MSH3: variants seen among roughly 807,000 people sequenced by gnomAD.
The protein encoded by MSH3 is DNA mismatch repair protein Msh3.
A neutral mutation model predicts 123.3 loss-of-function variants in MSH3; 106 were observed. That is an observed-to-expected ratio of 0.86 (90% CI 0.73 to 1.01). The LOEUF is 1.01. Among genes scored for constraint, MSH3 ranks in the 50% least tolerant of loss-of-function variants. The pLI is 0.00. For missense variants in MSH3, 1,459 were observed against 1,347.6 expected (o/e 1.08, Z -1.29); for synonymous variants, 515 against 481.4 (o/e 1.07, Z -0.91).
chr5:80,705,281 A>G (rs1366169385), intron 8 of MSH3, among the ~76,000 whole-genome samples: 2 of 152,188 alleles, frequency 1.3e-5, no homozygotes, highest in Non-Finnish European at 1.5e-5. Context: ...TTCTAATCTT[A>G]GCTGTACATT....
chr5:80,754,356 A>G (rs1743886622), intron 12 of MSH3, among the ~76,000 whole-genome samples: 1 of 152,118 alleles, frequency 6.6e-6, no homozygotes, highest in African/African-American at 2.4e-5. Flanking sequence ...AGTACTTTGT[A>G]CTTGGCTGTT....
At chr5:80,727,148 G>A (rs1008323612) in intron 9 of MSH3, among the ~76,000 whole-genome samples, 1 of 152,190 alleles carries the variant, frequency 6.6e-6, no homozygotes, top group African/African-American at 2.4e-5. Context: ...CTGTAGTCAG[G>A]TATTTATAAT....
intron 17 of MSH3, among the ~76,000 whole-genome samples, chr5:80,779,671 A>T (rs1470448799): frequency 6.9e-6 from 1 of 144,744 alleles, no homozygotes; most frequent in African/African-American, 2.6e-5. Flanking sequence ...TCATTCTCCC[A>T]CCTCAGCCTC....
chr5:80,674,421 A>G (rs141017627), intron 6 of MSH3, among the ~76,000 whole-genome samples: 150 of 152,342 alleles, frequency 9.8e-4, no homozygotes, highest in Admixed American at 2.7e-3. Flanking sequence ...AAAAAGGAAA[A>G]TAATTTACAC....
At chr5:80,675,448 C>T (rs1749819924) in intron 7 of MSH3, among the ~76,000 whole-genome samples, 1 of 152,116 alleles carries the variant, frequency 6.6e-6, no homozygotes, top group South Asian at 2.1e-4. Context: ...CCTCAGGAAA[C>T]TTACAATCAT....
At chr5:80,703,436 C>T (rs1240117123) in intron 8 of MSH3, among the ~76,000 whole-genome samples, 1 of 152,168 alleles carries the variant, frequency 6.6e-6, no homozygotes, top group African/African-American at 2.4e-5. Context: ...TCTATTGCTT[C>T]TGCCTTCCAG....
intron 19 of MSH3, among the ~76,000 whole-genome samples, chr5:80,804,204 C>T (rs1744842428): frequency 6.6e-6 from 1 of 152,134 alleles, no homozygotes. Context: ...ATATCTTTCC[C>T]TTTTTGTGTG....
intron 2 of MSH3, among the ~76,000 whole-genome samples, chr5:80,659,832 GTC>G (rs1260291458): frequency 6.6e-6 from 1 of 151,972 alleles, no homozygotes; most frequent in Non-Finnish European, 1.5e-5. Flanking sequence ...TCAGCTTTCT[GTC>G]TCTATCATTT....
chr5:80,817,380 A>G (rs1401319960), intron 20 of MSH3, among the ~76,000 whole-genome samples: 1 of 152,030 alleles, frequency 6.6e-6, no homozygotes, highest in East Asian at 1.9e-4. Flanking sequence ...AAGAGGGCTA[A>G]AGAGTGAGTT....
intron 8 of MSH3, among the ~76,000 whole-genome samples, chr5:80,686,348 G>A (rs551293897): frequency 2.0e-5 from 3 of 150,908 alleles, no homozygotes; most frequent in African/African-American, 7.3e-5. Context: ...TGTCACCCAG[G>A]GGGCAGTGCA....
chr5:80,772,604 G>A (rs191249478), intron 15 of MSH3, among the ~76,000 whole-genome samples: 75 of 152,298 alleles, frequency 4.9e-4, no homozygotes, highest in Middle Eastern at 6.8e-3. Flanking sequence ...GTCAGGAACT[G>A]TAGACCAGGA....
chr5:80,666,711 A>G lies in MSH3; in HGVS notation c.579+1348A>G, dbSNP rs139246327. On this transcript the variant is annotated intron_variant, in intron 3 of 23. Transcript: ENST00000265081. Reference sequence around the variant, plus strand: ...TAAGTAGACAGAGGGGGCACGTAGAAGCAGTGCCATTATTACAGGTGATAA... The same window carrying G: ...TAAGTAGACAGAGGGGGCACGTAGAGGCAGTGCCATTATTACAGGTGATAA... 3.4e-3 allele frequency among the ~76,000 whole-genome samples: 525 copies of G among 152,354 alleles called. 2 individuals are homozygous for G. Among genetic ancestry groups the G allele is most frequent in the Middle Eastern group, 0.024 (7 of 294 alleles).
chr5:80,666,404 A>T (rs1057018400), intron 3 of MSH3, among the ~76,000 whole-genome samples: 1 of 152,164 alleles, frequency 6.6e-6, no homozygotes, highest in African/African-American at 2.4e-5. Context: ...CTTTCCCACA[A>T]AGCCCAGATC....
At chr5:80,692,557 T>G (rs1362078477) in intron 8 of MSH3, among the ~76,000 whole-genome samples, 1 of 145,130 alleles carries the variant, frequency 6.9e-6, no homozygotes, top group Non-Finnish European at 1.5e-5. Flanking sequence ...TATAGAGAGA[T>G]AAACATGTAT....
At chr5:80,839,463 A>C (rs183480025) in intron 20 of MSH3, among the ~76,000 whole-genome samples, 3 of 152,362 alleles carry the variant, frequency 2.0e-5, no homozygotes. Context: ...TCTTAAGGGT[A>C]TCCCAATGAT....
At chr5:80,691,578 A>G (rs1411886771) in intron 8 of MSH3, among the ~76,000 whole-genome samples, 2 of 150,802 alleles carry the variant, frequency 1.3e-5, no homozygotes, top group Admixed American at 1.3e-4. Flanking sequence ...GTAGGGTACA[A>G]GAGATGTTTT....
intron 8 of MSH3, among the ~76,000 whole-genome samples, chr5:80,700,490 C>A (rs1291382748): frequency 6.6e-6 from 1 of 152,074 alleles, no homozygotes; most frequent in Non-Finnish European, 1.5e-5. Context: ...ATTAAAAAAT[C>A]TGTCATTTTG....
chr5:80,716,471 G>T (rs1750963244), intron 8 of MSH3, among the ~76,000 whole-genome samples: 3 of 150,098 alleles, frequency 2.0e-5, no homozygotes, highest in South Asian at 2.1e-4. Flanking sequence ...TTGCTCTGTT[G>T]CCAGGCTTGT....
intron 7 of MSH3, 76 bp downstream of exon 7, chr5:80,675,204 A>G (rs188507741): frequency 3.5e-6 from 5 of 1,441,792 alleles, no homozygotes; most frequent in African/African-American, 1.4e-5. Context: ...TGTATGGTTT[A>G]TAATAAGGAT....
Sources: gnomAD v4.1 joint callset for allele counts (sites outside exome capture counted in the v4.1 genomes callset) on GRCh38, gnomAD v4.1.1 for gene constraint, MANE v1.5 for transcripts, NCBI Gene and HGNC (gene_info 2026-07-23, HGNC 2026-07-21) for gene names.